Variants in OPCML observed in about 807,000 individuals in gnomAD.
OPCML encodes opioid-binding protein/cell adhesion molecule.
OPCML carries 13 observed loss-of-function variants against 37.8 expected under a neutral mutation model. The observed-to-expected ratio is 0.34, with a 90% CI of 0.22 to 0.55. OPCML has a LOEUF of 0.55. OPCML is among the 20% of genes least tolerant of loss of function. OPCML has a pLI of 0.91. For synonymous variants in OPCML, 176 were observed against 168.8 expected, an observed-to-expected ratio of 1.04 and a Z score of -0.33; for missense variants, 341 against 435.6, an observed-to-expected ratio of 0.78 and a Z score of 1.93.
At chr11:133,473,203 G>C (rs1262282144) in intron 1 of OPCML, among the ~76,000 whole-genome samples, 2 of 152,110 alleles carry the variant, frequency 1.3e-5, no homozygotes, top group Non-Finnish European at 2.9e-5. Flanking sequence ...GGTTGACAAA[G>C]GTTAATAGCA....
intron 1 of OPCML, among the ~76,000 whole-genome samples, chr11:133,456,268 G>T (rs553776594): frequency 2.6e-5 from 4 of 152,136 alleles, no homozygotes; most frequent in Non-Finnish European, 5.9e-5. Context: ...TATTTTTGTG[G>T]AGAGGGAAGA....
rs531533782 is a variant in OPCML at position 133,476,955 on chromosome 11, G to C, written c.61+55309C>G. On this transcript the variant is annotated intron_variant, in intron 1 of 7. Transcript: ENST00000524381. ...CCCTCCATTTTCAGGCACTAGACTG[G>C]GTGTGAAGGGGAGAGGCGGATAAGA... is the stretch of plus-strand genomic sequence containing the variant. 1.6e-3 allele frequency among the ~76,000 whole-genome samples: 246 copies of C among 152,220 alleles called. 1 individual carries two copies. The highest frequency in any genetic ancestry group is 3.1e-3 in the Non-Finnish European group (208 of 68,012).
intron 4 of OPCML, among the ~76,000 whole-genome samples, chr11:132,464,386 T>A (rs2096113093): frequency 6.6e-6 from 1 of 152,192 alleles, no homozygotes; most frequent in South Asian, 2.1e-4. Context: ...TTGTTTATTG[T>A]CTGACACCCA....
chr11:132,551,161 G>T (rs2096380661), intron 3 of OPCML, among the ~76,000 whole-genome samples: 1 of 152,156 alleles, frequency 6.6e-6, no homozygotes, highest in Non-Finnish European at 1.5e-5. Context: ...AGAACCAAGG[G>T]CCACCCCAGC....
intron 2 of OPCML, among the ~76,000 whole-genome samples, chr11:132,728,618 G>T (rs941948872): frequency 1.3e-5 from 2 of 152,064 alleles, no homozygotes; most frequent in Non-Finnish European, 2.9e-5. Flanking sequence ...TGGTGACAGG[G>T]TATAACTTGT....
At chr11:132,761,606 G>A (rs985976315) in intron 2 of OPCML, among the ~76,000 whole-genome samples, 1 of 151,816 alleles carries the variant, frequency 6.6e-6, no homozygotes, top group Admixed American at 6.6e-5. Context: ...TTCAGCTATC[G>A]ATACTTGTGT....
intron 1 of OPCML, among the ~76,000 whole-genome samples, chr11:133,382,080 T>G (rs1056175739): frequency 2.6e-5 from 4 of 152,198 alleles, no homozygotes; most frequent in African/African-American, 9.6e-5. Flanking sequence ...TTTTCTCCAT[T>G]TGCCTCCAGC....
intron 3 of OPCML, among the ~76,000 whole-genome samples, chr11:132,599,460 G>A (rs1937697322): frequency 6.6e-6 from 1 of 151,432 alleles, no homozygotes; most frequent in South Asian, 2.1e-4. Flanking sequence ...GGAAGAGGAG[G>A]AGGAGGAGGA....
chr11:132,434,996 T>A (rs2096008482), intron 7 of OPCML, among the ~76,000 whole-genome samples: 4 of 152,222 alleles, frequency 2.6e-5, no homozygotes, highest in Admixed American at 2.6e-4. Context: ...ATATTCTACA[T>A]GCTTATTATC....
At chr11:133,176,300 A>G (rs535806583) in intron 1 of OPCML, among the ~76,000 whole-genome samples, 3 of 151,360 alleles carry the variant, frequency 2.0e-5, no homozygotes, top group Admixed American at 6.6e-5. Flanking sequence ...ATGAGGCTGC[A>G]TCAGGAAAAG....
At chr11:133,392,875 A>G (rs1250387518) in intron 1 of OPCML, among the ~76,000 whole-genome samples, 1 of 152,178 alleles carries the variant, frequency 6.6e-6, no homozygotes, top group Non-Finnish European at 1.5e-5. Context: ...CAAAACCAAT[A>G]TTCATGGTAT....
At chr11:132,944,714 C>A (rs1222848656) in intron 1 of OPCML, among the ~76,000 whole-genome samples, 1 of 152,176 alleles carries the variant, frequency 6.6e-6, no homozygotes, top group African/African-American at 2.4e-5. Context: ...GCCAGCCTCC[C>A]CCTTTCTTTG....
intron 1 of OPCML, among the ~76,000 whole-genome samples, chr11:133,329,527 C>T (rs1943567145): frequency 6.6e-6 from 1 of 152,134 alleles, no homozygotes; most frequent in African/African-American, 2.4e-5. Flanking sequence ...AGAAATAATG[C>T]CGCATATCTA....
intron 4 of OPCML, among the ~76,000 whole-genome samples, chr11:132,450,900 G>T (rs974785716): frequency 2.6e-5 from 4 of 152,142 alleles, no homozygotes; most frequent in African/African-American, 7.2e-5. Context: ...TCTAAAAAGC[G>T]TTAGCTCTAA....
At chr11:133,344,418 C>T (rs1592219374) in intron 1 of OPCML, among the ~76,000 whole-genome samples, 1 of 152,330 alleles carries the variant, frequency 6.6e-6, no homozygotes, top group East Asian at 1.9e-4. Flanking sequence ...TTCTCTGACA[C>T]ACTGAACATT....
At chr11:133,002,308 T>G (rs938490563) in intron 1 of OPCML, among the ~76,000 whole-genome samples, 1 of 152,150 alleles carries the variant, frequency 6.6e-6, no homozygotes, top group African/African-American at 2.4e-5. Context: ...GCTGCTGAGG[T>G]GCAAGACTAG....
intron 1 of OPCML, among the ~76,000 whole-genome samples, chr11:133,415,136 A>T (rs988882639): frequency 1.3e-5 from 2 of 152,162 alleles, no homozygotes; most frequent in Non-Finnish European, 2.9e-5. Context: ...TTGGCCAGGC[A>T]CGGTGGCTCA....
At chr11:132,449,750 G>A (rs1204142915) in intron 4 of OPCML, among the ~76,000 whole-genome samples, 1 of 152,138 alleles carries the variant, frequency 6.6e-6, no homozygotes, top group Non-Finnish European at 1.5e-5. Flanking sequence ...AACTAGCCAG[G>A]ACCCCTGAGC....
intron 1 of OPCML, among the ~76,000 whole-genome samples, chr11:133,371,172 A>C (rs1944666237): frequency 6.6e-6 from 1 of 152,220 alleles, no homozygotes; most frequent in South Asian, 2.1e-4. Flanking sequence ...GGTGCTGGTG[A>C]AGATGCAGAG....
Sources: allele counts gnomAD v4.1 joint callset (sites outside exome capture counted in the v4.1 genomes callset), GRCh38; gene constraint gnomAD v4.1.1; transcripts MANE v1.5; gene names NCBI Gene and HGNC (gene_info 2026-07-23, HGNC 2026-07-21).